ARSG: variants seen among roughly 807,000 people sequenced by gnomAD.
The protein encoded by ARSG is arylsulfatase G, also known as ASG.
ARSG carries 37 observed loss-of-function variants against 50.5 expected under a neutral mutation model. That is an observed-to-expected ratio of 0.73 (90% CI 0.56 to 0.96). ARSG has a LOEUF of 0.96. Among genes scored for constraint, ARSG ranks in the 50% least tolerant of loss-of-function variants. The probability of loss-of-function intolerance (pLI) is 0.00; values close to 1 mark genes in which losing one functional copy is unlikely to be tolerated. For missense variants in ARSG, 629 were observed against 675.3 expected, an observed-to-expected ratio of 0.93 and a Z score of 0.76; for synonymous variants, 225 against 254.6, an observed-to-expected ratio of 0.88 and a Z score of 1.11.
intron 2 of ARSG, among the ~76,000 whole-genome samples, chr17:68,311,795 C>T (rs1555766832): frequency 7.4e-6 from 1 of 135,990 alleles, no homozygotes; most frequent in East Asian, 2.1e-4. Context: ...GCCTCCTGTA[C>T]TGTACTTTTT....
At chr17:68,374,264 T>G (rs7211973) in intron 8 of ARSG, among the ~76,000 whole-genome samples, 1 of 151,772 alleles carries the variant, frequency 6.6e-6, no homozygotes, top group Non-Finnish European at 1.5e-5. Flanking sequence ...CCTGGGACAC[T>G]CTTGGGCCAG....
chr17:68,362,724 G>T (rs1235426825), intron 6 of ARSG, among the ~76,000 whole-genome samples: 1 of 152,144 alleles, frequency 6.6e-6, no homozygotes, highest in Non-Finnish European at 1.5e-5. Context: ...TCAGGTCAGT[G>T]CTCAAACAGT....
At chr17:68,401,207 A>T in intron 10 of ARSG, 153 bp from the exon 11 acceptor site, 1 of 648,216 alleles carries the variant, frequency 1.5e-6, no homozygotes. Flanking sequence ...ATTTTTTTGT[A>T]GGGAGGGGTC....
chr17:68,397,805 C>T (rs377205292), intron 10 of ARSG, among the ~76,000 whole-genome samples: 8 of 151,984 alleles, frequency 5.3e-5, no homozygotes, highest in Non-Finnish European at 7.4e-5. Flanking sequence ...CTCACTCTGT[C>T]GCCCAGGCTG....
At chr17:68,259,495 C>G (rs2075040330) in intron 1 of ARSG, 1 of 152,184 alleles carries the variant, frequency 6.6e-6, no homozygotes, top group African/African-American at 2.4e-5. Flanking sequence ...ATCTCAGTCA[C>G]TTTGTAGATT....
chr17:68,289,913 C>A (rs1315335032), upstream of ARSG, among the ~76,000 whole-genome samples: 1 of 152,186 alleles, frequency 6.6e-6, no homozygotes, highest in Admixed American at 6.5e-5. Flanking sequence ...GGACACTCTT[C>A]CCTTAATTAT....
At chr17:68,373,982 C>T (rs948409925) in intron 8 of ARSG, among the ~76,000 whole-genome samples, 1 of 151,702 alleles carries the variant, frequency 6.6e-6, no homozygotes, top group African/African-American at 2.4e-5. Context: ...ACGGTGAAAC[C>T]CCGTCTCTAC....
In ARSG at chr17:68,292,352, G is replaced by A. The variant is rs75369561; in HGVS notation, c.-552+784G>A. ...CCGTGCCCCTCATCCCGTAGTCCCC[G>A]ACCCCAAGGTCACCGTGAACTAAGC... On this transcript the variant is annotated intron_variant, in intron 1 of 11. Coordinates refer to ENST00000621439, the MANE Select transcript of ARSG (RefSeq NM_001267727.2). 2.5e-3 allele frequency among the ~76,000 whole-genome samples: 388 copies of A among 152,204 alleles called. 5 individuals carry two copies. Among genetic ancestry groups the A allele is most frequent in the Middle Eastern group, 0.017 (5 of 294 alleles).
chr17:68,383,153 C>T (rs985210870), intron 8 of ARSG, among the ~76,000 whole-genome samples: 3 of 152,128 alleles, frequency 2.0e-5, no homozygotes, highest in African/African-American at 7.2e-5. Flanking sequence ...AGTCAGTCAC[C>T]TACAAGAGAG....
Position 68,307,683 on chromosome 17 carries a change from C to G in ARSG, c.190C>G (p.Leu64Val), listed in dbSNP as rs2076660285. 2 of 1,597,374 alleles carry G rather than the reference C, an allele frequency of 1.3e-6. No individual in the cohort carries two copies. Among genetic ancestry groups the G allele is most frequent in the East Asian group, 4.5e-5 (2 of 44,816 alleles). ...GGCAGAAACAAAGGACACTGCCAAC[C>G]TTGATAAGATGGCTTCGGAGGGAAT... ...NWAETKDTAN[L>V]DKMASEGMRF... Residue 64 changes from leucine to valine, a missense_variant, in exon 2 of 12, where the codon CTT (leucine) becomes GTT (valine). By Grantham distance (32) the Leu-to-Val change is conservative (BLOSUM62 1). Coordinates refer to ENST00000621439, the MANE Select transcript of ARSG (RefSeq NM_001267727.2).
intron 2 of ARSG, among the ~76,000 whole-genome samples, chr17:68,312,363 A>G (rs2076895893): frequency 6.6e-6 from 1 of 152,180 alleles, no homozygotes; most frequent in Non-Finnish European, 1.5e-5. Context: ...TTTTCTGGGG[A>G]GAGAGTTCAT....
intron 5 of ARSG, among the ~76,000 whole-genome samples, chr17:68,352,454 T>C (rs2078842855): frequency 6.6e-6 from 1 of 151,920 alleles, no homozygotes; most frequent in African/African-American, 2.4e-5. Context: ...TATGCCATAA[T>C]GTTATCAAGG....
intron 2 of ARSG, among the ~76,000 whole-genome samples, chr17:68,342,190 T>G (rs1288961395): frequency 6.6e-6 from 1 of 152,142 alleles, no homozygotes; most frequent in African/African-American, 2.4e-5. Flanking sequence ...TGGGGAATAC[T>G]GACTCTTTTG....
intron 11 of ARSG, among the ~76,000 whole-genome samples, chr17:68,407,774 C>T (rs1439395225): frequency 2.0e-5 from 3 of 151,994 alleles, no homozygotes; most frequent in South Asian, 4.1e-4. Context: ...TTAGGGTTTT[C>T]GAGGTAAACA....
chr17:68,270,115 G>A (rs2075288231), intron 1 of ARSG, among the ~76,000 whole-genome samples: 1 of 152,178 alleles, frequency 6.6e-6, no homozygotes, highest in African/African-American at 2.4e-5. Context: ...TTTACAGAGT[G>A]CTGCTATCCA....
downstream of ARSG, among the ~76,000 whole-genome samples, chr17:68,424,297 C>T (rs951405251): frequency 7.7e-4 from 117 of 152,292 alleles, no homozygotes; most frequent in African/African-American, 2.7e-3. Context: ...CTGCGACCGA[C>T]CCGCAGAGCC....
chr17:68,427,374 T>C (rs2083267573), downstream of ARSG: 1 of 762,764 alleles, frequency 1.3e-6, no homozygotes, highest in African/African-American at 1.8e-5. Context: ...TATTTATTTT[T>C]GAGGCAGGGT....
chr17:68,424,296 A>G (rs919922579), downstream of ARSG, among the ~76,000 whole-genome samples: 4 of 152,048 alleles, frequency 2.6e-5, no homozygotes, highest in Admixed American at 6.6e-5. Context: ...GCTGCGACCG[A>G]CCCGCAGAGC....
the ARSG span, among the ~76,000 whole-genome samples, chr17:68,451,623 G>A: frequency 1.3e-5 from 2 of 152,158 alleles, no homozygotes; most frequent in Non-Finnish European, 2.9e-5. Flanking sequence ...TCAAAGGCGT[G>A]ACTTCTCAGT....
Sources: allele counts gnomAD v4.1 joint callset (sites outside exome capture counted in the v4.1 genomes callset), GRCh38; gene constraint gnomAD v4.1.1; transcripts MANE v1.5; gene names NCBI Gene and HGNC (gene_info 2026-07-23, HGNC 2026-07-21).